KPNA6: variants seen among roughly 807,000 people sequenced by gnomAD.
KPNA6 encodes karyopherin subunit alpha 6, also known as importin subunit alpha-7.
KPNA6 carries 9 observed loss-of-function variants against 72.0 expected under a neutral mutation model. The observed-to-expected ratio is 0.13, with a 90% CI of 0.08 to 0.22. The LOEUF (loss-of-function observed/expected upper bound fraction) is 0.22, where lower values mean the gene tolerates loss of function less well. KPNA6 is among the 10% of genes least tolerant of loss of function. The pLI, the probability that KPNA6 is intolerant of heterozygous loss-of-function variation, is 1.00. For missense variants in KPNA6, 374 were observed against 655.7 expected, an observed-to-expected ratio of 0.57 and a Z score of 4.69; for synonymous variants, 219 against 242.1, an observed-to-expected ratio of 0.90 and a Z score of 0.89.
chr1:32,131,682 G>A (rs928735577), intron 1 of KPNA6, among the ~76,000 whole-genome samples: 19 of 149,554 alleles, frequency 1.3e-4, no homozygotes, highest in African/African-American at 4.7e-4. Context: ...AGTTGTGTGT[G>A]CGTGTGTATA....
intron 12 of KPNA6, among the ~76,000 whole-genome samples, chr1:32,169,194 T>G (rs1490523355): frequency 6.6e-6 from 1 of 151,794 alleles, no homozygotes; most frequent in Non-Finnish European, 1.5e-5. Context: ...ATAATGAGAC[T>G]TTGTCTCTAC....
At chr1:32,114,633 A>T (rs921207662) in intron 1 of KPNA6, among the ~76,000 whole-genome samples, 1 of 152,146 alleles carries the variant, frequency 6.6e-6, no homozygotes, top group Non-Finnish European at 1.5e-5. Flanking sequence ...GCATTAGCCC[A>T]TAACAAGAGA....
At chr1:32,161,613 C>G (rs1455373701) in intron 7 of KPNA6, among the ~76,000 whole-genome samples, 1 of 152,158 alleles carries the variant, frequency 6.6e-6, no homozygotes, top group East Asian at 1.9e-4. Flanking sequence ...GCTTTTATTT[C>G]CAGAGAACAC....
intron 1 of KPNA6, among the ~76,000 whole-genome samples, chr1:32,137,315 A>G (rs1043162934): frequency 6.6e-6 from 1 of 152,116 alleles, no homozygotes; most frequent in African/African-American, 2.4e-5. Flanking sequence ...CTGGGACCAC[A>G]GGTGTGTGTC....
chr1:32,163,094 ACT>A (rs1642269472), intron 9 of KPNA6, 139 bp from the exon 10 acceptor site: 7 of 620,514 alleles, frequency 1.1e-5, no homozygotes, highest in South Asian at 2.0e-5. Flanking sequence ...ACAGAGCGAG[ACT>A]CTGTCTCAAA....
Position 32,174,664 on chromosome 1 carries a change from C to A in KPNA6, c.*3770C>A, listed in dbSNP as rs1570089664. 6.6e-6 allele frequency: 1 copy of A among 152,298 alleles called. No homozygotes were observed. The highest frequency in any genetic ancestry group is 3.4e-3 in the Middle Eastern group (1 of 294). The allele number at this position is 152,298 out of a possible 1,614,324, so 9.4% of individuals were successfully genotyped here. A position where few individuals can be genotyped will look rare whatever the true frequency, so the allele number is the denominator to read the frequency against. On this transcript the variant is annotated 3_prime_UTR_variant, in exon 14 of 14. Transcript: ENST00000373625. ...TAGGGTTCAGATTCCAGACTCTCAGCTGAAGACAGGGAGCCAATTTCCCCC... is the reference window on the plus strand; with the variant it reads ...TAGGGTTCAGATTCCAGACTCTCAGATGAAGACAGGGAGCCAATTTCCCCC...
intron 1 of KPNA6, among the ~76,000 whole-genome samples, chr1:32,133,352 A>G (rs1478298517): frequency 6.6e-6 from 1 of 151,592 alleles, no homozygotes; most frequent in Non-Finnish European, 1.5e-5. Context: ...TTAAAAAAAA[A>G]AAATTGTGGA....
At chr1:32,132,482 G>T (rs559953624) in intron 1 of KPNA6, among the ~76,000 whole-genome samples, 70 of 152,266 alleles carry the variant, frequency 4.6e-4, no homozygotes, top group African/African-American at 1.7e-3. Flanking sequence ...TAGAAATGGG[G>T]TTTTGCCATG....
chr1:32,161,677 T>C (rs1343703202), intron 7 of KPNA6, among the ~76,000 whole-genome samples: 1 of 152,216 alleles, frequency 6.6e-6, no homozygotes, highest in African/African-American at 2.4e-5. Context: ...TATCCCACTT[T>C]AGAAGCTTTA....
chr1:32,138,543 CAAAAAAAAAAAA>C (rs563911504), intron 1 of KPNA6, among the ~76,000 whole-genome samples: 1 of 48,942 alleles, frequency 2.0e-5, no homozygotes, highest in Non-Finnish European at 4.8e-5. Flanking sequence ...AACTCCATCT[CAAAAAAAAAAAA>C]AAAAAAAAAA....
Position 32,108,095 on chromosome 1 carries a change from T to G in KPNA6, c.-36T>G. 6.2e-7 allele frequency: 1 copy of G among 1,613,912 alleles called. No homozygotes were observed. Among genetic ancestry groups the G allele is most frequent in the Non-Finnish European group, 8.5e-7 (1 of 1,179,872 alleles). On this transcript the variant is annotated 5_prime_UTR_variant, in exon 1 of 14. Transcript: ENST00000373625. Reference sequence around the variant, plus strand: ...AAGCTGCCGCTGAAGCTGCCGCCGTTGCCTCCGCCGCCAAGAGTGAGCGAG... The same window carrying G: ...AAGCTGCCGCTGAAGCTGCCGCCGTGGCCTCCGCCGCCAAGAGTGAGCGAG...
intron 1 of KPNA6, among the ~76,000 whole-genome samples, chr1:32,112,467 G>A (rs1249724266): frequency 6.6e-6 from 1 of 152,094 alleles, no homozygotes; most frequent in Non-Finnish European, 1.5e-5. Context: ...GCAATAATAT[G>A]TAGAGTAAAA....
chr1:32,158,156 A>G (rs1463055689), intron 4 of KPNA6, 111 bp from the exon 5 acceptor site: 1 of 665,042 alleles, frequency 1.5e-6, no homozygotes, highest in African/African-American at 1.8e-5. Flanking sequence ...GGAGTTTGGG[A>G]ATGTTTGTAA....
intron 1 of KPNA6, among the ~76,000 whole-genome samples, chr1:32,108,863 C>A (rs55801506): frequency 0.082 from 12,485 of 152,196 alleles, 755 homozygotes; most frequent in South Asian, 0.25. Flanking sequence ...GAGGGGACTC[C>A]GGCTGGCAAG....
intron 12 of KPNA6, among the ~76,000 whole-genome samples, chr1:32,169,006 CA>C (rs745500836): frequency 2.4e-4 from 36 of 152,038 alleles, no homozygotes; most frequent in Non-Finnish European, 4.0e-4. Flanking sequence ...TGAACTAGAC[CA>C]ACCACATGTG....
At chr1:32,159,745 G>C (rs778965858) in intron 6 of KPNA6, among the ~76,000 whole-genome samples, 1 of 152,130 alleles carries the variant, frequency 6.6e-6, no homozygotes, top group Non-Finnish European at 1.5e-5. Context: ...ATTAACTCTA[G>C]GTGTTAGAGT....
Position 32,119,783 on chromosome 1 carries a change from C to T in KPNA6, c.4+11649C>T, listed in dbSNP as rs558246542. On this transcript the variant is annotated intron_variant, in intron 1 of 13. Transcript: ENST00000373625. ...TTTTTGAGATGGGGTCTTGCACTGT[C>T]GCCCAGGCTAGAGTGCAGTGGCACG... is the stretch of plus-strand genomic sequence containing the variant. Among the ~76,000 whole-genome samples the T allele has an allele frequency of 4.1e-4, 61 of 148,204 alleles. 1 individual carries two copies. The highest frequency in any genetic ancestry group is 1.4e-3 in the African/African-American group (57 of 40,110).
At chr1:32,170,125 A>G in intron 13 of KPNA6, 65 bp downstream of exon 13, 1 of 1,441,016 alleles carries the variant, frequency 6.9e-7, no homozygotes, top group South Asian at 1.2e-5. Flanking sequence ...TGGTATACAT[A>G]TGTTGGTGGT....
chr1:32,115,782 C>T (rs375099575), intron 1 of KPNA6, among the ~76,000 whole-genome samples: 4 of 151,938 alleles, frequency 2.6e-5, no homozygotes, highest in Non-Finnish European at 5.9e-5. Flanking sequence ...GTCTCACTGT[C>T]GCCCAGGCTG....
Sources: allele counts gnomAD v4.1 joint callset (sites outside exome capture counted in the v4.1 genomes callset), GRCh38; gene constraint gnomAD v4.1.1; transcripts MANE v1.5; gene names NCBI Gene and HGNC (gene_info 2026-07-23, HGNC 2026-07-21).